The following BRMS1L variants were observed in gnomAD, a reference collection of about 807,000 sequenced individuals.
BRMS1L encodes breast cancer metastasis-suppressor 1-like protein.
In BRMS1L, 23 loss-of-function variants were observed where a neutral mutation model predicts 50.3. That is an observed-to-expected ratio of 0.46 (90% CI 0.33 to 0.65). The LOEUF is 0.65. Ranked by LOEUF, BRMS1L falls within the 30% of genes least tolerant of loss-of-function variation. BRMS1L has a pLI of 0.02. For missense variants in BRMS1L, 286 were observed against 386.1 expected (o/e 0.74, Z 2.17); for synonymous variants, 114 against 126.9 (o/e 0.90, Z 0.69).
intron 4 of BRMS1L, among the ~76,000 whole-genome samples, chr14:35,845,042 G>C (rs2078115543): frequency 6.6e-6 from 1 of 151,956 alleles, no homozygotes; most frequent in African/African-American, 2.4e-5. Context: ...CACCACACCT[G>C]GCTAAATAAA....
chr14:35,864,929 T>C lies in BRMS1L; in HGVS notation c.623-6T>C. 2 of 1,550,098 alleles carry C rather than the reference T, an allele frequency of 1.3e-6. No homozygotes were observed. Among genetic ancestry groups the C allele is most frequent in the South Asian group, 1.2e-5 (1 of 81,500 alleles). Reference sequence around the variant, plus strand: ...CTTACAGCTAAATTGACCTTGACTATTCAACGTCCATATATAGTTTATATG... The same window carrying C: ...CTTACAGCTAAATTGACCTTGACTACTCAACGTCCATATATAGTTTATATG... On this transcript the variant is annotated splice_region_variant and splice_polypyrimidine_tract_variant and intron_variant, in intron 6 of 9. Transcript: ENST00000216807.
intron 4 of BRMS1L, among the ~76,000 whole-genome samples, chr14:35,840,299 G>A (rs1200691350): frequency 1.3e-5 from 2 of 152,110 alleles, no homozygotes; most frequent in Admixed American, 6.6e-5. Context: ...TTTTCATATC[G>A]ATGTTTATCA....
At chr14:35,837,798 G>T (rs943351832) in intron 4 of BRMS1L, among the ~76,000 whole-genome samples, 8 of 152,014 alleles carry the variant, frequency 5.3e-5, no homozygotes, top group Admixed American at 2.0e-4. Context: ...CAGGTGATCC[G>T]CCTGCCTTGA....
intron 4 of BRMS1L, among the ~76,000 whole-genome samples, chr14:35,853,330 C>T (rs895115206): frequency 6.6e-6 from 1 of 151,786 alleles, no homozygotes; most frequent in Non-Finnish European, 1.5e-5. Flanking sequence ...CTAACTACTT[C>T]TATTTTAACT....
intron 4 of BRMS1L, among the ~76,000 whole-genome samples, chr14:35,854,837 C>G (rs1161964856): frequency 5.3e-5 from 8 of 152,204 alleles, no homozygotes; most frequent in Admixed American, 2.6e-4. Flanking sequence ...ATTGTTTCAG[C>G]TAGACATCAT....
At chr14:35,858,201 C>T (rs907968246) in intron 4 of BRMS1L, among the ~76,000 whole-genome samples, 1 of 152,160 alleles carries the variant, frequency 6.6e-6, no homozygotes, top group African/African-American at 2.4e-5. Context: ...GAAGTCCTAA[C>T]GCTGTTTTCT....
At position 35,826,672 on chromosome 14, in the gene BRMS1L, T is replaced by G; in HGVS notation, c.142+14T>G. On this transcript the variant is annotated intron_variant, in intron 1 of 9. Coordinates refer to ENST00000216807, the MANE Select transcript of BRMS1L (RefSeq NM_032352.4). ...GAGATAGCTCAGGTGCGCGACCCAC[T>G]GCTGGGACCCTGAGTCCCCGCGCCC... 6.2e-7 allele frequency: 1 copy of G among 1,609,872 alleles called. No individual in the cohort carries two copies. Among genetic ancestry groups the G allele is most frequent in the South Asian group, 1.1e-5 (1 of 90,352 alleles).
chr14:35,843,452 C>T (rs550099126), intron 4 of BRMS1L, among the ~76,000 whole-genome samples: 2 of 152,326 alleles, frequency 1.3e-5, no homozygotes, highest in African/African-American at 4.8e-5. Flanking sequence ...TGCTGCAGGT[C>T]TGCTGGAGTT....
At chr14:35,834,348 A>G (rs1317304351) in intron 3 of BRMS1L, among the ~76,000 whole-genome samples, 1 of 152,114 alleles carries the variant, frequency 6.6e-6, no homozygotes, top group Admixed American at 6.5e-5. Flanking sequence ...TCCAGACATA[A>G]TTGATTTTGT....
intron 4 of BRMS1L, among the ~76,000 whole-genome samples, chr14:35,853,462 G>A (rs576716127): frequency 6.6e-6 from 1 of 152,188 alleles, no homozygotes; most frequent in African/African-American, 2.4e-5. Flanking sequence ...TCTCTCAGCT[G>A]GAGTGCAGTG....
intron 1 of BRMS1L, 32 bp downstream of exon 1, chr14:35,826,690 C>A (rs775489681): frequency 6.2e-7 from 1 of 1,603,088 alleles, no homozygotes; most frequent in Non-Finnish European, 8.5e-7. Context: ...CCCTGAGTCC[C>A]CGCGCCCAGC....
intron 4 of BRMS1L, among the ~76,000 whole-genome samples, chr14:35,861,681 T>C (rs2078353578): frequency 6.6e-6 from 1 of 152,200 alleles, no homozygotes; most frequent in Non-Finnish European, 1.5e-5. Context: ...CAAGCATGTA[T>C]AATTTCTAAA....
chr14:35,842,343 C>T (rs1452650257), intron 4 of BRMS1L, among the ~76,000 whole-genome samples: 1 of 152,044 alleles, frequency 6.6e-6, no homozygotes, highest in Non-Finnish European at 1.5e-5. Flanking sequence ...TTTAGTGCTT[C>T]CTTCAGGAGC....
chr14:35,857,283 G>A (rs28439332), intron 4 of BRMS1L, among the ~76,000 whole-genome samples: 53 of 141,692 alleles, frequency 3.7e-4, no homozygotes, highest in Non-Finnish European at 4.6e-4. Flanking sequence ...ACATATATAT[G>A]TGTGTGTGTG....
At chr14:35,847,446 G>T (rs148268898) in intron 4 of BRMS1L, among the ~76,000 whole-genome samples, 3 of 152,238 alleles carry the variant, frequency 2.0e-5, no homozygotes, top group African/African-American at 7.2e-5. Context: ...CTATAGGTGT[G>T]TGCCACTGTG....
At chr14:35,863,739 T>C in intron 5 of BRMS1L, 131 bp from the exon 6 acceptor site, 1 of 720,224 alleles carries the variant, frequency 1.4e-6, no homozygotes, top group South Asian at 1.9e-5. Flanking sequence ...GCTTAATCTA[T>C]ATATACCCAG....
At chr14:35,850,898 A>G (rs748533965) in intron 4 of BRMS1L, among the ~76,000 whole-genome samples, 2 of 152,170 alleles carry the variant, frequency 1.3e-5, no homozygotes, top group Non-Finnish European at 2.9e-5. Flanking sequence ...CCAAAACGTC[A>G]TTTAGTTTTG....
At chr14:35,864,898 G>A (rs2078401734) in intron 6 of BRMS1L, 37 bp from the exon 7 acceptor site, 3 of 1,337,670 alleles carry the variant, frequency 2.2e-6, no homozygotes, top group East Asian at 4.8e-5. Flanking sequence ...TTCAAAGTGT[G>A]ATATTCTTAC....
At chr14:35,841,034 G>C (rs2078056170) in intron 4 of BRMS1L, among the ~76,000 whole-genome samples, 1 of 152,128 alleles carries the variant, frequency 6.6e-6, no homozygotes, top group South Asian at 2.1e-4. Context: ...GTGTCCCAGA[G>C]ATTCTGGTAT....
Sources: gnomAD v4.1 joint callset for allele counts (sites outside exome capture counted in the v4.1 genomes callset) on GRCh38, gnomAD v4.1.1 for gene constraint, MANE v1.5 for transcripts, NCBI Gene and HGNC (gene_info 2026-07-23, HGNC 2026-07-21) for gene names.